The following HMGXB4 variants were observed in gnomAD, a reference collection of about 807,000 sequenced individuals.
HMGXB4 encodes the protein HMG-box containing 4, also known as HMG domain-containing protein 4.
HMGXB4 carries 27 observed loss-of-function variants against 63.9 expected under a neutral mutation model. The observed-to-expected ratio is 0.42, with a 90% confidence interval of 0.31 to 0.58. The LOEUF (loss-of-function observed/expected upper bound fraction) is 0.58, where lower values mean the gene tolerates loss of function less well. HMGXB4 is among the 20% of genes least tolerant of loss of function. The pLI, the probability that HMGXB4 is intolerant of heterozygous loss-of-function variation, is 0.13. For missense variants in HMGXB4, 624 were observed against 700.7 expected (o/e 0.89, Z 1.24); for synonymous variants, 264 against 265.3 (o/e 0.99, Z 0.05).
intron 9 of HMGXB4, among the ~76,000 whole-genome samples, chr22:35,290,270 C>T (rs1924845726): frequency 6.6e-6 from 1 of 152,124 alleles, no homozygotes. Context: ...TTTTAAAGTG[C>T]AGAATTTAGT....
At chr22:35,267,772 C>G (rs564379467) in intron 5 of HMGXB4, among the ~76,000 whole-genome samples, 2 of 152,284 alleles carry the variant, frequency 1.3e-5, no homozygotes, top group African/African-American at 4.8e-5. Flanking sequence ...TCTCCTCCAC[C>G]AGGAGTTTAC....
rs999102079 is a variant in HMGXB4, at chr22:35,267,335, A to G, written c.1215+1732A>G. On this transcript the variant is annotated intron_variant, in intron 5 of 10. Transcript: ENST00000216106. ...AAAATTGCTTTATGAAATAAACACT[A>G]TGTGTTCTTTATAAGATTCTGTTTA... 2.6e-5 allele frequency among the ~76,000 whole-genome samples: 4 copies of G among 152,122 alleles called. No homozygotes were observed. The South Asian group carries it at 6.2e-4, about 24-fold the overall frequency.
upstream of HMGXB4, among the ~76,000 whole-genome samples, chr22:35,256,890 C>A (rs552031609): frequency 6.6e-6 from 1 of 152,204 alleles, no homozygotes; most frequent in African/African-American, 2.4e-5. Context: ...ATTGTGTTCT[C>A]GCCTGTATAT....
At chr22:35,278,372 G>C (rs1924033121) in intron 5 of HMGXB4, among the ~76,000 whole-genome samples, 1 of 152,164 alleles carries the variant, frequency 6.6e-6, no homozygotes, top group African/African-American at 2.4e-5. Flanking sequence ...TAAATACCAA[G>C]GAGCACAGCT....
upstream of HMGXB4, among the ~76,000 whole-genome samples, chr22:35,254,212 G>C (rs1215042897): frequency 1.3e-5 from 2 of 152,202 alleles, no homozygotes; most frequent in African/African-American, 4.8e-5. Flanking sequence ...CACTTAGGGA[G>C]TGCCCCCTCT....
intron 9 of HMGXB4, 21 bp downstream of exon 9, chr22:35,288,428 C>T (rs770401772): frequency 6.5e-7 from 1 of 1,547,076 alleles, no homozygotes; most frequent in African/African-American, 1.4e-5. Context: ...CTATCAGCAG[C>T]ATGACTACAG....
At chr22:35,265,819 C>G (rs1258271361) in intron 5 of HMGXB4, among the ~76,000 whole-genome samples, 2 of 150,510 alleles carry the variant, frequency 1.3e-5, no homozygotes, top group African/African-American at 4.9e-5. Flanking sequence ...TGGAGTCTCG[C>G]TCTGTCGCCC....
intron 6 of HMGXB4, among the ~76,000 whole-genome samples, chr22:35,285,273 G>A (rs1289105937): frequency 6.6e-6 from 1 of 152,172 alleles, no homozygotes; most frequent in Non-Finnish European, 1.5e-5. Context: ...AGCTGGGCGT[G>A]GTGGCTCACG....
the HMGXB4 span, among the ~76,000 whole-genome samples, chr22:35,244,853 CA>C: frequency 6.6e-6 from 1 of 152,172 alleles, no homozygotes; most frequent in Admixed American, 6.5e-5. Flanking sequence ...ACTCTCGTAA[CA>C]AAACTGCTGG....
upstream of HMGXB4, among the ~76,000 whole-genome samples, chr22:35,253,147 A>AG (rs1471942718): frequency 6.6e-6 from 1 of 150,662 alleles, no homozygotes; most frequent in African/African-American, 2.4e-5. Flanking sequence ...AAAAAAAAAA[A>AG]AAAGAAAAAA....
Position 35,284,052 on chromosome 22 carries a change from A to G in HMGXB4, c.1297+9A>G, listed in dbSNP as rs751923398. The G allele has an allele frequency of 5.0e-6, 8 of 1,591,550 alleles. No homozygotes were observed. Among genetic ancestry groups the G allele is most frequent in the Admixed American group, 1.7e-5 (1 of 59,934 alleles). On this transcript the variant is annotated intron_variant, in intron 6 of 10. Coordinates refer to ENST00000216106, the MANE Select transcript of HMGXB4 (RefSeq NM_001003681.3). ...TGACCATCCAGGTATAGGTAAGAAC[A>G]TTACTGATCTGTAGCGCTTTTGCTT...
chr22:35,250,424 T>C, the HMGXB4 span, among the ~76,000 whole-genome samples: 1 of 152,026 alleles, frequency 6.6e-6, no homozygotes. Context: ...AACAAGCAGA[T>C]CTTACATGAA....
intron 5 of HMGXB4, among the ~76,000 whole-genome samples, chr22:35,281,434 A>T (rs754885898): frequency 2.0e-5 from 3 of 152,238 alleles, no homozygotes; most frequent in Non-Finnish European, 4.4e-5. Context: ...CCTTTATAAG[A>T]GTTATGAAGG....
chr22:35,247,978 G>A, the HMGXB4 span, among the ~76,000 whole-genome samples: 1 of 152,080 alleles, frequency 6.6e-6, no homozygotes, highest in Non-Finnish European at 1.5e-5. Context: ...AACCTAGATG[G>A]GATAGCCTAT....
chr22:35,265,126 A>C lies in HMGXB4; in HGVS notation c.738A>C (p.Lys246Asn), dbSNP rs764475927. 1.2e-6 allele frequency: 2 copies of C among 1,614,140 alleles called. No individual in the cohort carries two copies. The highest frequency in any genetic ancestry group is 1.1e-5 in the South Asian group (1 of 91,078). The change falls in exon 5 of 11, where the codon AAA becomes AAC. Residue 246 changes from lysine (K) to asparagine (N), a missense_variant. Transcript: ENST00000216106. Reference protein sequence around the residue: ...LLGHELQSFLKTARKKHKSSS... With the variant: ...LLGHELQSFLNTARKKHKSSS... ...GACATGAGTTACAGAGCTTTCTGAA[A>C]ACAGCCCGGAAAAAGCACAAGTCAT...
At position 35,293,896 on chromosome 22, in the gene HMGXB4, G is replaced by GAAAAAAAAA. The variant is rs1925080796; in HGVS notation, c.*246_*247insAAAAAAAAA. ...AATTTTGGCATGAATACAGGCTTGG[G>GAAAAAAAAA]ATTCTTTTTTCTCCTGTGGTGGATA... On this transcript the variant is annotated 3_prime_UTR_variant, in exon 11 of 11. Coordinates refer to ENST00000216106, the MANE Select transcript of HMGXB4 (RefSeq NM_001003681.3). 3.7e-6 allele frequency: 1 copy of GAAAAAAAAA among 270,652 alleles called. No homozygotes were observed. The highest frequency in any genetic ancestry group is 6.5e-5 in the East Asian group (1 of 15,418). 16.8% of individuals were successfully genotyped at this position (270,652 alleles called of 1,614,324 possible).
rs368621812 is a variant in HMGXB4, at chr22:35,265,104, A to G, written c.716A>G (p.His239Arg). The G allele has an allele frequency of 3.4e-5, 55 of 1,614,086 alleles. No individual in the cohort carries two copies. The highest frequency in any genetic ancestry group is 3.1e-5 in the Non-Finnish European group (37 of 1,180,044). ...GAGCAGGGTGCTTTACTCCTAGGAC[A>G]TGAGTTACAGAGCTTTCTGAAAACA... The part of the protein sequence containing the change: ...RDEQGALLLG[H>R]ELQSFLKTAR... The change falls in exon 5 of 11, where the codon CAT becomes CGT. Residue 239 changes from histidine to arginine, a missense_variant. By Grantham distance (29) the His-to-Arg change is conservative. Around this residue, in one of 2 missense-constraint regions of HMGXB4, gnomAD observed 472 missense variants for 470.6 expected, o/e 1.00. Coordinates refer to ENST00000216106, the MANE Select transcript of HMGXB4 (RefSeq NM_001003681.3).
intron 5 of HMGXB4, among the ~76,000 whole-genome samples, chr22:35,282,051 A>C (rs1924273635): frequency 6.6e-6 from 1 of 152,204 alleles, no homozygotes; most frequent in Non-Finnish European, 1.5e-5. Context: ...AGCTTTGTTT[A>C]AAGCAAGATA....
intron 5 of HMGXB4, among the ~76,000 whole-genome samples, chr22:35,278,654 A>AT (rs1425378933): frequency 1.9e-5 from 2 of 104,708 alleles, no homozygotes; most frequent in East Asian, 2.8e-4. Context: ...TTTTTTTAAT[A>AT]TTATTTTTTT....
Sources: allele counts gnomAD v4.1 joint callset (sites outside exome capture counted in the v4.1 genomes callset), GRCh38; gene constraint gnomAD v4.1.1; regional missense constraint gnomAD v4.1.1; transcripts MANE v1.5; gene names NCBI Gene and HGNC (gene_info 2026-07-23, HGNC 2026-07-21).